JMJD4: variants seen among roughly 807,000 people sequenced by gnomAD.
JMJD4 encodes 2-oxoglutarate and iron-dependent oxygenase JMJD4.
JMJD4 carries 34 observed loss-of-function variants against 36.3 expected under a neutral mutation model. The observed-to-expected ratio is 0.94, with a 90% CI of 0.71 to 1.25. The LOEUF is 1.25. Ranked by LOEUF, JMJD4 falls within the 50% of genes most tolerant of loss-of-function variation. The probability of loss-of-function intolerance (pLI) is 0.00; values close to 1 mark genes in which losing one functional copy is unlikely to be tolerated. For synonymous variants in JMJD4, 269 were observed against 235.3 expected, an observed-to-expected ratio of 1.14 and a Z score of -1.31; for missense variants, 584 against 559.1, an observed-to-expected ratio of 1.04 and a Z score of -0.45.
At chr1:227,732,774 C>T in intron 5 of JMJD4, 98 bp from the exon 6 acceptor site, 2 of 1,590,432 alleles carry the variant, frequency 1.3e-6, no homozygotes, top group Non-Finnish European at 1.7e-6. Flanking sequence ...GAAGAAGGGA[C>T]CATTAAGACA....
Position 227,733,915 on chromosome 1 carries a change from C to A in JMJD4, c.546G>T (p.Ala182=). The change falls in exon 3 of 6, where the codon GCG becomes GCT. Residue 182 remains alanine, a synonymous_variant. Coordinates refer to ENST00000620518, the MANE Select transcript of JMJD4 (RefSeq NM_023007.3). ...CACATCCGTGGCCTCACCAGCTGCC[C>A]GCAGGCCCCGCGTAGACAAAGCGGT... ...DDYRFVYAGP[A]GSWSPFHADI... is the part of the protein sequence containing the mutation. 6.2e-7 allele frequency: 1 copy of A among 1,613,642 alleles called. No individual in the cohort carries two copies. The highest frequency in any genetic ancestry group is 8.5e-7 in the Non-Finnish European group (1 of 1,179,954).
rs181364355 is a variant in JMJD4, at chr1:227,733,112, G to A, written c.823-85C>T. 4.7e-5 allele frequency: 68 copies of A among 1,458,918 alleles called. No homozygotes were observed. The East Asian group carries it at 1.6e-3, about 33-fold the overall frequency. The allele number at this position is 1,458,918 out of a possible 1,614,324, so 90.4% of individuals were successfully genotyped here. On this transcript the variant is annotated intron_variant, in intron 4 of 5. Coordinates refer to ENST00000620518, the MANE Select transcript of JMJD4 (RefSeq NM_023007.3). ...ACATCTCCTGCGCCAGGAACCCACT[G>A]TGGGGTCCAGCCCTCTGCAGCCAAG...
Position 227,733,295 on chromosome 1 carries a change from C to G in JMJD4, c.822+119G>C, listed in dbSNP as rs375726420. ...CAGCGACACCACCTTGTGAAGGGGT[C>G]AGCCTCACCCATGAGCCACCCCATT... On this transcript the variant is annotated intron_variant, in intron 4 of 5. Coordinates refer to ENST00000620518, the MANE Select transcript of JMJD4 (RefSeq NM_023007.3). The G allele has an allele frequency of 3.6e-6, 4 of 1,108,704 alleles. No individual in the cohort carries two copies. The African/African-American group carries it at 6.3e-5, about 17-fold the overall frequency. The allele number at this position is 1,108,704 out of a possible 1,614,324, so 68.7% of individuals were successfully genotyped here.
chr1:227,734,236 T>C, intron 2 of JMJD4: 1 of 606,900 alleles, frequency 1.6e-6, no homozygotes, highest in Non-Finnish European at 2.9e-6. Context: ...GTTCTGCTTA[T>C]TAGAAAGTAC....
At chr1:227,733,059 C>A (rs374738676) in intron 4 of JMJD4, 32 bp from the exon 5 acceptor site, 3 of 1,610,092 alleles carry the variant, frequency 1.9e-6, no homozygotes, top group Non-Finnish European at 2.5e-6. Flanking sequence ...CAGGCCTGAG[C>A]CCATGGCAGG....
chr1:227,734,793 T>C lies in JMJD4; in HGVS notation c.286A>G (p.Asn96Asp), dbSNP rs770598902. ...GAGTTGTATTCCTGGACCCCACAGT[T>C]TGCAACTGGTACAACCACGTCTCCT... ...TYGDVVVPVA[N>D]CGVQEYNSNP... is the part of the protein sequence containing the mutation. The change falls in exon 2 of 6, where the codon AAC becomes GAC. Residue 96 changes from asparagine to aspartate, a missense_variant. Physicochemically the swap from Asn to Asp is conservative, Grantham distance 23. Transcript: ENST00000620518. 1.2e-6 allele frequency: 2 copies of C among 1,614,014 alleles called. No individual in the cohort carries two copies. Among genetic ancestry groups the C allele is most frequent in the South Asian group, 2.2e-5 (2 of 91,084 alleles).
At chr1:227,734,215 T>C in intron 2 of JMJD4, 183 bp from the exon 3 acceptor site, 2 of 643,186 alleles carry the variant, frequency 3.1e-6, no homozygotes, top group Non-Finnish European at 5.3e-6. Flanking sequence ...CGGGGCAGTC[T>C]GACTACAATG....
Position 227,733,005 on chromosome 1 carries a change from T to G in JMJD4, c.845A>C (p.His282Pro), listed in dbSNP as rs1441376402. 1 of 1,613,326 alleles carries G rather than the reference T, an allele frequency of 6.2e-7. No homozygotes were observed. Among genetic ancestry groups the G allele is most frequent in the African/African-American group, 1.3e-5 (1 of 74,938 alleles). Residue 282 changes from histidine to proline, a missense_variant, in exon 5 of 6, where the codon CAC becomes CCC. His to Pro is a moderately conservative substitution (Grantham distance 77). Transcript: ENST00000620518. ...HNLDDTISINHNWVNGFNLAN... is the reference protein window; with the variant it reads ...HNLDDTISINPNWVNGFNLAN... ...CAGGTTGAAGCCATTGACCCAGTTG[T>G]GGTTGATGGAGATGGTGTCATCCTG...
rs748965028 is a variant in JMJD4, at chr1:227,733,529, C to A, written c.707G>T (p.Cys236Phe). Residue 236 changes from cysteine (C) to phenylalanine (F), a missense_variant, in exon 4 of 6, where the codon TGC (cysteine) becomes TTC (phenylalanine). Cys to Phe is a radical substitution (Grantham distance 205). Transcript: ENST00000620518. ...LPYDVTSPAL[C>F]DTHLHPRNQL... ...GTTCCGTGGGTGCAGGTGTGTGTCG[C>A]AGAGTGCTGGGGAGGTCACGTCGTA... 8.1e-6 allele frequency: 13 copies of A among 1,603,326 alleles called. No individual in the cohort carries two copies. The highest frequency in any genetic ancestry group is 1.1e-5 in the Non-Finnish European group (13 of 1,174,674).
At chr1:227,733,751 C>T in intron 3 of JMJD4, 70 bp from the exon 4 acceptor site, 2 of 1,593,298 alleles carry the variant, frequency 1.3e-6, no homozygotes, top group South Asian at 2.2e-5. Context: ...ACCCCAGAGG[C>T]CTGGTCCAAC....
Position 227,735,029 on chromosome 1 carries a change from T to C in JMJD4, c.245A>G (p.His82Arg), listed in dbSNP as rs765269210. ...VTPAGRPDFD[H>R]LLRTYGDVVV... Reference sequence around the variant, plus strand: ...CGCCCCACCGTAGGTCCGTAGCAGGTGGTCGAAGTCGGGCCTCCCCGCGGG... The same window carrying C: ...CGCCCCACCGTAGGTCCGTAGCAGGCGGTCGAAGTCGGGCCTCCCCGCGGG... Residue 82 changes from histidine (H) to arginine (R), a missense_variant, in exon 1 of 6, where the codon CAC becomes CGC. Transcript: ENST00000620518. The C allele has an allele frequency of 3.9e-6, 6 of 1,550,874 alleles. No individual in the cohort carries two copies. The Admixed American group carries it at 9.6e-5, about 25-fold the overall frequency.
intron 5 of JMJD4, 69 bp from the exon 6 acceptor site, chr1:227,732,745 G>A (rs1660749208): frequency 3.8e-6 from 6 of 1,595,308 alleles, no homozygotes; most frequent in Non-Finnish European, 4.3e-6. Context: ...GACCCGACAT[G>A]CGCCCAGTCC....
intron 4 of JMJD4, 24 bp from the exon 5 acceptor site, chr1:227,733,051 G>C (rs1469208405): frequency 6.2e-7 from 1 of 1,611,976 alleles, no homozygotes; most frequent in African/African-American, 1.3e-5. Context: ...AGTGCAGGCA[G>C]GCCTGAGCCC....
At position 227,733,037 on chromosome 1, in the gene JMJD4, G is replaced by A; in HGVS notation, c.823-10C>T. 1 of 1,613,256 alleles carries A rather than the reference G, an allele frequency of 6.2e-7. No individual in the cohort carries two copies. Among genetic ancestry groups the A allele is most frequent in the Non-Finnish European group, 8.5e-7 (1 of 1,179,948 alleles). The stretch of plus-strand genomic sequence containing the variant: ...TGGAGATGGTGTCATCCTGGAAGGG[G>A]CACAGTGCAGGCAGGCCTGAGCCCA... On this transcript the variant is annotated splice_polypyrimidine_tract_variant and intron_variant, in intron 4 of 5. Transcript: ENST00000620518.
In JMJD4 at chr1:227,732,149, C is replaced by T; in HGVS notation, c.*243G>A. The T allele has an allele frequency of 3.4e-6, 2 of 583,540 alleles. No homozygotes were observed. 36.1% of individuals were successfully genotyped at this position (583,540 alleles called of 1,614,324 possible). On this transcript the variant is annotated 3_prime_UTR_variant, in exon 6 of 6. Transcript: ENST00000620518. ...GGCCCCCAAAAGAGCCAGGTCCTGG[C>T]ACCATCTCCGAGCTCCCAGCAGGCC... is the stretch of plus-strand genomic sequence containing the variant.
Position 227,733,890 on chromosome 1 carries a change from C to A in JMJD4, c.554+17G>T. On this transcript the variant is annotated intron_variant, in intron 3 of 5. Transcript: ENST00000620518. Reference sequence around the variant, plus strand: ...ACCAGGCCCCTTCGGGTTCCACTCCCACATCCGTGGCCTCACCAGCTGCCC... The same window carrying A: ...ACCAGGCCCCTTCGGGTTCCACTCCAACATCCGTGGCCTCACCAGCTGCCC... The A allele has an allele frequency of 1.2e-6, 2 of 1,612,678 alleles. No individual in the cohort carries two copies. The highest frequency in any genetic ancestry group is 1.7e-6 in the Non-Finnish European group (2 of 1,179,732).
At position 227,734,708 on chromosome 1, in the gene JMJD4, T is replaced by C. The variant is rs1176078899; in HGVS notation, c.371A>G (p.Gln124Arg). 2 of 1,614,072 alleles carry C rather than the reference T, an allele frequency of 1.2e-6. No individual in the cohort carries two copies. The highest frequency in any genetic ancestry group is 1.7e-6 in the Non-Finnish European group (2 of 1,180,022). Residue 124 changes from glutamine (Q) to arginine (R), a missense_variant, in exon 2 of 6, where the codon CAG (glutamine) becomes CGG (arginine). Gln to Arg is a conservative substitution (Grantham distance 43, BLOSUM62 1). Coordinates refer to ENST00000620518, the MANE Select transcript of JMJD4 (RefSeq NM_023007.3). ...DYITYWKEYI[Q>R]AGYSSPRGCL... is the part of the protein sequence containing the mutation. ...GCCCCTGGGAGAGGAGTAGCCCGCC[T>C]GTATGTACTCTTTCCAGTAGGTGAT...
Position 227,735,068 on chromosome 1 carries a change from C to A in JMJD4, c.206G>T (p.Arg69Leu), listed in dbSNP as rs2102871246. Residue 69 changes from arginine (R) to leucine (L), a missense_variant, in exon 1 of 6, where the codon CGG (arginine) becomes CTG (leucine). Coordinates refer to ENST00000620518, the MANE Select transcript of JMJD4 (RefSeq NM_023007.3). ...CCTCCCCGCGGGCGTCACCCAGCGC[C>A]GCCGGCTGCCCCAGCCCTGCGTGAA... ...SAFTQGWGSR[R>L]RWVTPAGRPD... 6.4e-7 allele frequency: 1 copy of A among 1,558,868 alleles called. No homozygotes were observed. The highest frequency in any genetic ancestry group is 8.7e-7 in the Non-Finnish European group (1 of 1,152,622).
Position 227,732,226 on chromosome 1 carries a change from G to A in JMJD4, c.*166C>T, listed in dbSNP as rs1005780158. ...CATCTTGGGTCCCTGACCTCATTGG[G>A]CCTCACCTGAAAACAGGCACCCAGG... On this transcript the variant is annotated 3_prime_UTR_variant, in exon 6 of 6. Coordinates refer to ENST00000620518, the MANE Select transcript of JMJD4 (RefSeq NM_023007.3). 4 of 750,272 alleles carry A rather than the reference G, an allele frequency of 5.3e-6. No homozygotes were observed. Among genetic ancestry groups the A allele is most frequent in the African/African-American group, 3.5e-5 (2 of 56,476 alleles). 46.5% of individuals were successfully genotyped at this position (750,272 alleles called of 1,614,324 possible). A position where few individuals can be genotyped will look rare whatever the true frequency, so the allele number is the denominator to read the frequency against.
Sources: allele counts gnomAD v4.1 joint callset, GRCh38; gene constraint gnomAD v4.1.1; transcripts MANE v1.5; gene names NCBI Gene and HGNC (gene_info 2026-07-23, HGNC 2026-07-21).